HDAC9: variants seen among roughly 807,000 people sequenced by gnomAD.
HDAC9 encodes the protein histone deacetylase 9.
Under a neutral mutation model 139.4 loss-of-function variants are expected in HDAC9, and 41 were observed. The observed-to-expected ratio is 0.29, with a 90% CI of 0.23 to 0.38. The LOEUF (loss-of-function observed/expected upper bound fraction) is 0.38, where lower values mean the gene tolerates loss of function less well. Ranked by LOEUF, HDAC9 falls within the 10% of genes least tolerant of loss-of-function variation. The probability of loss-of-function intolerance (pLI) is 1.00; values close to 1 mark genes in which losing one functional copy is unlikely to be tolerated. For synonymous variants in HDAC9, 517 were observed against 476.2 expected, an observed-to-expected ratio of 1.09 and a Z score of -1.12; for missense variants, 1,147 against 1,297.0, an observed-to-expected ratio of 0.88 and a Z score of 1.78.
chr7:18,908,247 A>T lies in HDAC9; in HGVS notation c.2804-27562A>T, dbSNP rs564192833. Among the ~76,000 whole-genome samples, 8 of 152,180 alleles carry T rather than the reference A, an allele frequency of 5.3e-5. No homozygotes were observed. The East Asian group carries it at 1.4e-3, about 26-fold the overall frequency. On this transcript the variant is annotated intron_variant, in intron 22 of 25. Transcript: ENST00000686413. ...TTATTCTTTGTACTCTTTAAAAAAAATTTTAATTGACACATAATTGTACAT... is the reference window on the plus strand; with the variant it reads ...TTATTCTTTGTACTCTTTAAAAAAATTTTTAATTGACACATAATTGTACAT...
chr7:18,248,181 G>A (rs556342584), intron 2 of HDAC9, among the ~76,000 whole-genome samples: 2 of 152,246 alleles, frequency 1.3e-5, no homozygotes, highest in African/African-American at 2.4e-5. Context: ...TAAAAATATG[G>A]TAGATTAAGA....
intron 1 of HDAC9, chr7:18,430,693 C>T (rs1790561566): frequency 6.7e-6 from 1 of 149,954 alleles, no homozygotes; most frequent in Admixed American, 6.7e-5. Context: ...ACCAGCCTGG[C>T]CAACATGGCT....
At chr7:18,977,905 GAGAC>G (rs1185603779) in intron 25 of HDAC9, among the ~76,000 whole-genome samples, 14 of 129,324 alleles carry the variant, frequency 1.1e-4, no homozygotes, top group East Asian at 4.7e-4. Context: ...AATTTCCTCA[GAGAC>G]AGACAGACAG....
intron 22 of HDAC9, among the ~76,000 whole-genome samples, chr7:18,933,412 A>G (rs765910315): frequency 2.9e-4 from 44 of 151,764 alleles, no homozygotes; most frequent in Non-Finnish European, 6.0e-4. Context: ...GAGCTAGAGG[A>G]CTCTCTCTGG....
At chr7:18,666,873 C>A in intron 12 of HDAC9, 1 of 1,014,578 alleles carries the variant, frequency 9.9e-7, no homozygotes, top group Non-Finnish European at 1.2e-6. Context: ...GATAGTCTCC[C>A]AGTCTGATCA....
At chr7:18,931,560 A>C (rs1238723331) in intron 22 of HDAC9, among the ~76,000 whole-genome samples, 3 of 152,224 alleles carry the variant, frequency 2.0e-5, no homozygotes, top group Admixed American at 1.3e-4. Context: ...CAAGATATTG[A>C]GGAGATTCAC....
At chr7:18,776,446 C>T (rs2129168123) in intron 16 of HDAC9, among the ~76,000 whole-genome samples, 1 of 152,216 alleles carries the variant, frequency 6.6e-6, no homozygotes, top group Admixed American at 6.5e-5. Context: ...TTTATTTATA[C>T]AGCAAATGCT....
chr7:18,251,127 T>C (rs1452828889), intron 2 of HDAC9, among the ~76,000 whole-genome samples: 8 of 152,118 alleles, frequency 5.3e-5, no homozygotes, highest in Admixed American at 1.3e-4. Context: ...CAGTCATAGA[T>C]TGGATAGAGA....
rs751066456 is a variant in HDAC9, at chr7:18,590,423, G to A, written c.352G>A (p.Val118Ile). 1 of 1,608,856 alleles carries A rather than the reference G, an allele frequency of 6.2e-7. No individual in the cohort carries two copies. Among genetic ancestry groups the A allele is most frequent in the South Asian group, 1.1e-5 (1 of 89,972 alleles). Residue 118 changes from valine (V) to isoleucine (I), a missense_variant, in exon 4 of 26, where the codon GTA (valine) becomes ATA (isoleucine). By Grantham distance (29) the Val-to-Ile change is conservative. Transcript: ENST00000686413. ...KLEQQRQEQE[V>I]ERHRREQQLP... ...GGAGCAGCAGAGGCAAGAACAGGAA[G>A]TAGAGAGGCATCGCAGAGAACAGCA...
At chr7:18,359,782 T>C (rs1178182607) in intron 1 of HDAC9, among the ~76,000 whole-genome samples, 8 of 152,170 alleles carry the variant, frequency 5.3e-5, no homozygotes, top group South Asian at 4.1e-4. Context: ...CTAACTTTTG[T>C]ATTTTTAGTA....
At chr7:18,150,158 C>A (rs1246728038) in intron 1 of HDAC9, among the ~76,000 whole-genome samples, 1 of 151,426 alleles carries the variant, frequency 6.6e-6, no homozygotes, top group Non-Finnish European at 1.5e-5. Flanking sequence ...GTAAGATATC[C>A]CTCTTCATTT....
In HDAC9 at chr7:18,284,938, A is replaced by C. The variant is rs184915880; in HGVS notation, c.25+122589A>C. Among the ~76,000 whole-genome samples the C allele has an allele frequency of 3.3e-5, 5 of 152,162 alleles. 1 individual carries two copies. Among genetic ancestry groups the C allele is most frequent in the Admixed American group, 3.3e-4 (5 of 15,272 alleles). Reference sequence around the variant, plus strand: ...GTGGAATAACTAAAATAAGGACCCAATGACAGTTGTTTCCACATTAAAGTT... The same window carrying C: ...GTGGAATAACTAAAATAAGGACCCACTGACAGTTGTTTCCACATTAAAGTT... On this transcript the variant is annotated intron_variant, in intron 2 of 12. Transcript: ENST00000417496.
At chr7:18,630,329 C>CATAA (rs113439635) in intron 7 of HDAC9, among the ~76,000 whole-genome samples, 15 of 152,012 alleles carry the variant, frequency 9.9e-5, no homozygotes, top group African/African-American at 3.6e-4. Flanking sequence ...TGTGCTTATA[C>CATAA]CAATGTGGGC....
At chr7:18,869,458 C>G (rs1389999266) in intron 21 of HDAC9, among the ~76,000 whole-genome samples, 1 of 152,004 alleles carries the variant, frequency 6.6e-6, no homozygotes, top group African/African-American at 2.4e-5. Flanking sequence ...TGAGGCCTCC[C>G]CAGAAGCCTA....
intron 6 of HDAC9, among the ~76,000 whole-genome samples, chr7:18,600,066 A>G (rs1833549330): frequency 1.3e-5 from 2 of 152,074 alleles, no homozygotes; most frequent in South Asian, 4.1e-4. Context: ...AAGTGGTGCC[A>G]AGCATCTTTT....
chr7:18,892,884 G>A (rs956894912), intron 22 of HDAC9, among the ~76,000 whole-genome samples: 1 of 151,854 alleles, frequency 6.6e-6, no homozygotes, highest in African/African-American at 2.4e-5. Flanking sequence ...TTATATTCTA[G>A]CATTAATTAA....
chr7:18,979,587 G>A (rs902927882), intron 25 of HDAC9, among the ~76,000 whole-genome samples: 2 of 152,102 alleles, frequency 1.3e-5, no homozygotes, highest in South Asian at 2.1e-4. Flanking sequence ...AAATAGCTGC[G>A]AATGGGTAAT....
rs560867783 is a variant in HDAC9 at position 18,244,490 on chromosome 7, G to T, written c.25+82141G>T. Among the ~76,000 whole-genome samples the T allele has an allele frequency of 3.9e-5, 6 of 152,276 alleles. No individual in the cohort carries two copies. In the South Asian group the frequency reaches 1.2e-3, roughly 32 times the overall value. Reference sequence around the variant, plus strand: ...TGTCCTTGACTTCTCTGAGCTTACAGATTGGTATTGCTTAGTAAGATGTTG... The same window carrying T: ...TGTCCTTGACTTCTCTGAGCTTACATATTGGTATTGCTTAGTAAGATGTTG... On this transcript the variant is annotated intron_variant, in intron 2 of 12. Coordinates refer to the HDAC9 transcript ENST00000417496.
intron 1 of HDAC9, among the ~76,000 whole-genome samples, chr7:18,310,124 C>A (rs910361261): frequency 6.6e-6 from 1 of 150,696 alleles, no homozygotes; most frequent in Non-Finnish European, 1.5e-5. Context: ...TTCAAGCTAT[C>A]CCAAGGCCTG....
Sources: gnomAD v4.1 joint callset for allele counts (sites outside exome capture counted in the v4.1 genomes callset) on GRCh38, gnomAD v4.1.1 for gene constraint, MANE v1.5 for transcripts, NCBI Gene and HGNC (gene_info 2026-07-23, HGNC 2026-07-21) for gene names.